PRKCI: variants seen among roughly 807,000 people sequenced by gnomAD.
The protein encoded by PRKCI is protein kinase C iota type.
A neutral mutation model predicts 84.0 loss-of-function variants in PRKCI; 43 were observed. That is an observed-to-expected ratio of 0.51 (90% CI 0.40 to 0.66). PRKCI has a LOEUF of 0.66. PRKCI is among the 30% of genes least tolerant of loss of function. The pLI is 0.00. For missense variants in PRKCI, 459 were observed against 745.6 expected (o/e 0.62, Z 4.48); for synonymous variants, 216 against 234.4 (o/e 0.92, Z 0.72).
rs544812330 is a variant in PRKCI at position 170,274,238 on chromosome 3, TCTC to T, written c.646+901_646+903del. Among the ~76,000 whole-genome samples, 218 of 152,208 alleles carry T rather than the reference TCTC, an allele frequency of 1.4e-3. 1 individual carries two copies. The highest frequency in any genetic ancestry group is 4.7e-3 in the African/African-American group (195 of 41,538). On this transcript the variant is annotated intron_variant, in intron 7 of 17. Transcript: ENST00000295797. ...CCTCCACCTCCCAGGTTCAAGTGATTCTCCTGCCTCAGCCTCCTGAGCATCTGG... is the reference window on the plus strand; with the variant it reads ...CCTCCACCTCCCAGGTTCAAGTGATTCTGCCTCAGCCTCCTGAGCATCTGG...
intron 8 of PRKCI, among the ~76,000 whole-genome samples, chr3:170,275,973 G>C (rs796610992): frequency 1.2e-3 from 146 of 123,886 alleles, no homozygotes; most frequent in African/African-American, 4.2e-3. Context: ...TTGCTGTGTT[G>C]CCCAGGCTGG....
At chr3:170,262,371 G>C (rs1315412518) in intron 3 of PRKCI, among the ~76,000 whole-genome samples, 1 of 152,136 alleles carries the variant, frequency 6.6e-6, no homozygotes, top group Non-Finnish European at 1.5e-5. Context: ...AAGGATTTAA[G>C]GCGATATTAG....
intron 2 of PRKCI, among the ~76,000 whole-genome samples, chr3:170,254,971 C>CTT (rs35938677): frequency 8.6e-6 from 1 of 116,396 alleles, no homozygotes. Flanking sequence ...AATATCTTTC[C>CTT]TTTTTTTTTT....
intron 2 of PRKCI, among the ~76,000 whole-genome samples, chr3:170,246,189 G>C (rs1431870709): frequency 1.3e-5 from 2 of 151,802 alleles, no homozygotes; most frequent in African/African-American, 4.8e-5. Context: ...GCTCGCTCTT[G>C]CCGCCCAGGC....
intron 3 of PRKCI, 45 bp from the exon 4 acceptor site, chr3:170,263,334 T>C: frequency 6.7e-7 from 1 of 1,486,146 alleles, no homozygotes; most frequent in South Asian, 1.2e-5. Flanking sequence ...GTAATTTGTA[T>C]GTTTTAAATA....
At chr3:170,247,311 C>T (rs1733310366) in intron 2 of PRKCI, among the ~76,000 whole-genome samples, 1 of 152,064 alleles carries the variant, frequency 6.6e-6, no homozygotes, top group Non-Finnish European at 1.5e-5. Flanking sequence ...CCACCTTGGC[C>T]TCCCAAAGTG....
chr3:170,238,576 A>G (rs1733040867), intron 2 of PRKCI, among the ~76,000 whole-genome samples: 2 of 150,610 alleles, frequency 1.3e-5, no homozygotes, highest in Non-Finnish European at 1.5e-5. Context: ...TAAACAATAT[A>G]TAATGAACAT....
intron 12 of PRKCI, 179 bp from the exon 13 acceptor site, chr3:170,291,675 C>A: frequency 1.9e-6 from 1 of 514,010 alleles, no homozygotes; most frequent in Non-Finnish European, 3.6e-6. Context: ...CCAGCCTGGG[C>A]GACAGAGCAA....
rs1346256080 is a variant in PRKCI at position 170,280,043 on chromosome 3, TC to T, written c.706-182del. The T allele has an allele frequency of 6.5e-6, 3 of 460,592 alleles. No individual in the cohort carries two copies. The East Asian group carries it at 1.1e-4, about 17-fold the overall frequency. 28.5% of individuals were successfully genotyped at this position (460,592 alleles called of 1,614,324 possible). ...ACCATCCCTCTTATCTCAAAATTCA[TC>T]CATATAATCTGGATAGTTAGATTAT... On this transcript the variant is annotated intron_variant, in intron 8 of 17. Transcript: ENST00000295797.
chr3:170,276,588 A>G (rs1734121244), intron 8 of PRKCI, among the ~76,000 whole-genome samples: 1 of 152,094 alleles, frequency 6.6e-6, no homozygotes, highest in African/African-American at 2.4e-5. Context: ...AGCTGGGACT[A>G]CAGGCATGTG....
chr3:170,281,788 A>C, intron 10 of PRKCI, 94 bp from the exon 11 acceptor site: 11 of 1,459,088 alleles, frequency 7.5e-6, no homozygotes, highest in South Asian at 1.6e-5. Context: ...GCTAAATAGT[A>C]GAGAATGCTC....
intron 12 of PRKCI, among the ~76,000 whole-genome samples, chr3:170,290,204 T>TTAGA: frequency 6.6e-6 from 1 of 152,234 alleles, no homozygotes; most frequent in Non-Finnish European, 1.5e-5. Flanking sequence ...ATATAGTTGT[T>TTAGA]AATATTAGAA....
At chr3:170,287,430 T>C (rs552763388) in intron 12 of PRKCI, among the ~76,000 whole-genome samples, 49 of 152,080 alleles carry the variant, frequency 3.2e-4, no homozygotes, top group African/African-American at 1.1e-3. Context: ...GATTCTTTTA[T>C]GTATCATTCT....
chr3:170,226,518 A>G (rs1577336059), intron 1 of PRKCI, among the ~76,000 whole-genome samples: 1 of 152,224 alleles, frequency 6.6e-6, no homozygotes, highest in African/African-American at 2.4e-5. Flanking sequence ...TTATATATGT[A>G]TGGAAATTTT....
In PRKCI at chr3:170,267,942, G is replaced by T. The variant is rs775812965; in HGVS notation, c.392G>T (p.Arg131Leu). Residue 131 changes from arginine to leucine, a missense_variant, in exon 5 of 18, where the codon CGC becomes CTC. By Grantham distance (102) the Arg-to-Leu change is moderately radical. Coordinates refer to ENST00000295797, the MANE Select transcript of PRKCI (RefSeq NM_002740.6). Reference sequence around the variant, plus strand: ...TCCATCTACCGTAGAGGTGCACGCCGCTGGAGAAAGCTTTATTGTGCCAAT... The same window carrying T: ...TCCATCTACCGTAGAGGTGCACGCCTCTGGAGAAAGCTTTATTGTGCCAAT... ...DKSIYRRGAR[R>L]WRKLYCANGH... 2 of 1,611,734 alleles carry T rather than the reference G, an allele frequency of 1.2e-6. No homozygotes were observed. Among genetic ancestry groups the T allele is most frequent in the Non-Finnish European group, 1.7e-6 (2 of 1,178,928 alleles).
chr3:170,256,322 C>CT (rs1733582541), intron 2 of PRKCI, among the ~76,000 whole-genome samples: 1 of 152,112 alleles, frequency 6.6e-6, no homozygotes, highest in South Asian at 2.1e-4. Flanking sequence ...TGCTGAGAGA[C>CT]TTTTTATTAT....
intron 1 of PRKCI, among the ~76,000 whole-genome samples, chr3:170,229,659 C>A (rs1357749798): frequency 1.3e-5 from 2 of 152,248 alleles, no homozygotes; most frequent in Middle Eastern, 3.4e-3. Context: ...CATCAACTCA[C>A]TATTTCAAAT....
Position 170,281,312 on chromosome 3 carries a change from C to A in PRKCI, c.980+49C>A. 4.1e-6 allele frequency: 6 copies of A among 1,473,856 alleles called. No homozygotes were observed. In the South Asian group the frequency reaches 6.8e-5, roughly 17 times the overall value. 91.3% of individuals were successfully genotyped at this position (1,473,856 alleles called of 1,614,324 possible). On this transcript the variant is annotated intron_variant, in intron 10 of 17. Transcript: ENST00000295797. Reference sequence around the variant, plus strand: ...GATTACTGGGCTTCATATTTTTGGTCATATTACACAGTTAGAACCTTTCTG... The same window carrying A: ...GATTACTGGGCTTCATATTTTTGGTAATATTACACAGTTAGAACCTTTCTG...
At chr3:170,301,635 TTGTC>T (rs750344322) in intron 17 of PRKCI, among the ~76,000 whole-genome samples, 1 of 152,198 alleles carries the variant, frequency 6.6e-6, no homozygotes, top group Admixed American at 6.5e-5. Context: ...TGCCAAGTCT[TTGTC>T]TGTGTTTTCA....
Sources: gnomAD v4.1 joint callset for allele counts (sites outside exome capture counted in the v4.1 genomes callset) on GRCh38, gnomAD v4.1.1 for gene constraint, MANE v1.5 for transcripts, NCBI Gene and HGNC (gene_info 2026-07-23, HGNC 2026-07-21) for gene names.